The following ADGRB3 variants were observed in gnomAD, a reference collection of about 807,000 sequenced individuals.
The protein encoded by ADGRB3 is adhesion G protein-coupled receptor B3, also known as brain-specific angiogenesis inhibitor 3.
ADGRB3 carries 37 observed loss-of-function variants against 193.4 expected under a neutral mutation model. The ratio of observed to expected loss-of-function variants is 0.19; its 90% CI spans 0.15 to 0.25. ADGRB3 has a LOEUF of 0.25. ADGRB3 is among the 10% of genes least tolerant of loss of function. ADGRB3 has a pLI of 1.00. For synonymous variants in ADGRB3, 690 were observed against 644.2 expected (o/e 1.07, Z -1.08); for missense variants, 1,637 against 1,852.9 (o/e 0.88, Z 2.14).
chr6:69,232,487 T>C (rs1766164856), intron 17 of ADGRB3: 2 of 1,533,216 alleles, frequency 1.3e-6, no homozygotes, highest in Non-Finnish European at 1.7e-6. Flanking sequence ...GACTTTGGGG[T>C]GGGGTTATTC....
intron 3 of ADGRB3, among the ~76,000 whole-genome samples, chr6:68,647,264 A>C (rs919930781): frequency 4.6e-5 from 7 of 152,164 alleles, no homozygotes; most frequent in Non-Finnish European, 2.9e-5. Flanking sequence ...TTATGTTTAC[A>C]CTTGAAACAG....
chr6:69,342,359 T>C (rs1172895001), intron 26 of ADGRB3, among the ~76,000 whole-genome samples: 1 of 152,150 alleles, frequency 6.6e-6, no homozygotes, highest in Non-Finnish European at 1.5e-5. Flanking sequence ...TTTTTTTTAA[T>C]TGAACCTTAA....
At chr6:68,903,961 A>G (rs551042636) in intron 3 of ADGRB3, among the ~76,000 whole-genome samples, 1 of 146,454 alleles carries the variant, frequency 6.8e-6, no homozygotes, top group African/African-American at 2.5e-5. Flanking sequence ...GTGCCATTAC[A>G]CTCAAGCCAG....
At chr6:69,111,600 A>G (rs918843369) in intron 17 of ADGRB3, among the ~76,000 whole-genome samples, 4 of 152,188 alleles carry the variant, frequency 2.6e-5, no homozygotes, top group Admixed American at 6.5e-5. Flanking sequence ...GCTTAGCACT[A>G]TCACCTTATT....
chr6:68,846,950 A>C, intron 3 of ADGRB3, among the ~76,000 whole-genome samples: 1 of 152,164 alleles, frequency 6.6e-6, no homozygotes, highest in Non-Finnish European at 1.5e-5. Context: ...GAAAGCAGAC[A>C]GGAGGGAGGC....
intron 3 of ADGRB3, among the ~76,000 whole-genome samples, chr6:68,847,874 T>A (rs1444598850): frequency 1.3e-5 from 2 of 151,846 alleles, no homozygotes; most frequent in African/African-American, 4.8e-5. Context: ...AGAAGATTGT[T>A]TTTTGAAAAG....
chr6:68,992,148 A>G (rs145327080), intron 10 of ADGRB3, among the ~76,000 whole-genome samples: 4 of 152,348 alleles, frequency 2.6e-5, no homozygotes, highest in African/African-American at 9.6e-5. Flanking sequence ...TGTATAAAAG[A>G]TAACAAGAGA....
chr6:69,188,527 G>A (rs989027039), intron 17 of ADGRB3, among the ~76,000 whole-genome samples: 1 of 151,946 alleles, frequency 6.6e-6, no homozygotes, highest in South Asian at 2.1e-4. Flanking sequence ...CAGGCTGGTC[G>A]TGAACTCCTG....
chr6:69,297,408 C>CTATATATA (rs1285722019), intron 20 of ADGRB3, among the ~76,000 whole-genome samples: 1 of 141,622 alleles, frequency 7.1e-6, no homozygotes, highest in African/African-American at 2.7e-5. Flanking sequence ...CTCTCTCTCT[C>CTATATATA]TCTATATATA....
chr6:68,900,640 T>C (rs898418115), intron 3 of ADGRB3, among the ~76,000 whole-genome samples: 8 of 152,074 alleles, frequency 5.3e-5, no homozygotes, highest in African/African-American at 1.9e-4. Context: ...AGTACCATGG[T>C]GACAAGGATG....
chr6:69,381,024 A>T (rs1467610388), intron 30 of ADGRB3, among the ~76,000 whole-genome samples: 2 of 151,936 alleles, frequency 1.3e-5, no homozygotes, highest in Non-Finnish European at 2.9e-5. Flanking sequence ...TAACTACAAT[A>T]GTTTTTTTTT....
chr6:69,358,085 G>A (rs1769372324), intron 28 of ADGRB3, among the ~76,000 whole-genome samples: 1 of 151,650 alleles, frequency 6.6e-6, no homozygotes, highest in African/African-American at 2.4e-5. Context: ...GCCTCATTTG[G>A]TGTACTCATT....
chr6:69,149,745 C>T (rs1440381715), intron 17 of ADGRB3, among the ~76,000 whole-genome samples: 3 of 152,104 alleles, frequency 2.0e-5, no homozygotes, highest in Non-Finnish European at 2.9e-5. Context: ...GTCTGGGTCA[C>T]TGCAGCCTTA....
intron 4 of ADGRB3, among the ~76,000 whole-genome samples, chr6:68,932,280 A>G (rs965556770): frequency 5.9e-5 from 9 of 152,210 alleles, no homozygotes; most frequent in African/African-American, 2.2e-4. Context: ...TTAAATTTCC[A>G]ATAGCGTAAC....
chr6:69,062,903 T>G, intron 15 of ADGRB3, 31 bp from the exon 16 acceptor site: 2 of 1,513,564 alleles, frequency 1.3e-6, no homozygotes, highest in African/African-American at 2.8e-5. Flanking sequence ...AGCACTCATT[T>G]CTCCTTTTAA....
intron 29 of ADGRB3, among the ~76,000 whole-genome samples, chr6:69,368,692 G>A (rs1245707161): frequency 6.6e-6 from 1 of 151,466 alleles, no homozygotes; most frequent in African/African-American, 2.4e-5. Context: ...GCTGCAGCAA[G>A]AAAGAGGGGG....
intron 3 of ADGRB3, among the ~76,000 whole-genome samples, chr6:68,803,441 T>C (rs182702145): frequency 2.0e-4 from 31 of 152,266 alleles, no homozygotes; most frequent in Non-Finnish European, 3.1e-4. Flanking sequence ...CTGTATAATC[T>C]ACTCAGTGGA....
intron 3 of ADGRB3, among the ~76,000 whole-genome samples, chr6:68,846,056 A>T (rs573108771): frequency 3.3e-5 from 5 of 152,192 alleles, no homozygotes; most frequent in Non-Finnish European, 5.9e-5. Flanking sequence ...GGAGATGAAG[A>T]ACCTCTCGGA....
intron 14 of ADGRB3, among the ~76,000 whole-genome samples, chr6:69,048,744 A>G (rs1021008955): frequency 1.3e-5 from 2 of 152,162 alleles, no homozygotes; most frequent in Non-Finnish European, 2.9e-5. Context: ...ATACAAAAAC[A>G]AATTTAATAC....
Sources: allele counts gnomAD v4.1 joint callset (sites outside exome capture counted in the v4.1 genomes callset), GRCh38; gene constraint gnomAD v4.1.1; transcripts MANE v1.5; gene names NCBI Gene and HGNC (gene_info 2026-07-23, HGNC 2026-07-21).